HEPH: variants seen among roughly 807,000 people sequenced by gnomAD.
The protein encoded by HEPH is hephaestin.
HEPH carries 69 observed loss-of-function variants against 80.8 expected under a neutral mutation model. The ratio of observed to expected loss-of-function variants is 0.85; its 90% CI spans 0.70 to 1.04. HEPH has a LOEUF of 1.04. Ranked by LOEUF, HEPH falls within the 50% of genes least tolerant of loss-of-function variation. HEPH has a pLI of 0.00. For missense variants in HEPH, 1,115 were observed against 891.3 expected (o/e 1.25, Z -3.20); for synonymous variants, 431 against 322.8 (o/e 1.34, Z -3.60).
intron 17 of HEPH, among the ~76,000 whole-genome samples, chrX:66,257,037 C>A (rs1002971482): frequency 4.5e-5 from 5 of 112,208 alleles, no homozygotes; most frequent in East Asian, 2.8e-4. Context: ...CCCAAGATTT[C>A]TTTGATCTGA....
chrX:66,228,231 CTA>C (rs1250903387), intron 15 of HEPH, among the ~76,000 whole-genome samples: 1 of 112,204 alleles, frequency 8.9e-6, no homozygotes, highest in African/African-American at 3.2e-5. Context: ...TTATTTACTA[CTA>C]TGAGACAGTA....
At chrX:66,187,442 G>T (rs761253804) in intron 4 of HEPH, among the ~76,000 whole-genome samples, 1 of 111,234 alleles carries the variant, frequency 9.0e-6, no homozygotes, top group East Asian at 2.8e-4. Context: ...TGTCTCAAAG[G>T]GTGTTCCCCC....
chrX:66,248,840 T>A (rs2090908151), intron 15 of HEPH, among the ~76,000 whole-genome samples: 1 of 111,795 alleles, frequency 8.9e-6, no homozygotes, highest in Admixed American at 9.5e-5. Flanking sequence ...AGGTTTCCAC[T>A]GGTTTTGGAA....
chrX:66,177,775 T>C, intron 4 of HEPH, among the ~76,000 whole-genome samples: 1 of 111,645 alleles, frequency 9.0e-6, no homozygotes. Flanking sequence ...GTTTGGTTTG[T>C]TCTTGTTTCT....
chrX:66,261,773 T>C (rs1161578746), intron 19 of HEPH, among the ~76,000 whole-genome samples: 1 of 111,898 alleles, frequency 8.9e-6, no homozygotes, highest in Non-Finnish European at 1.9e-5. Context: ...ATTTAAAATA[T>C]TTATTCTCTA....
At position 66,197,750 on chromosome X, in the gene HEPH, T is replaced by A. The variant is rs1478397148; in HGVS notation, c.1569T>A (p.Pro523=). Residue 523 remains proline, a synonymous_variant, in exon 10 of 21, where the codon CCT becomes CCA. Transcript: ENST00000343002. ...TAACATACCGCTGGACAGTCCCCCC[T>A]CATGCCGGTCCCACTGCTCAGGATC... ...EKVTYRWTVP[P]HAGPTAQDPA... 1 of 1,209,998 alleles carries A rather than the reference T, an allele frequency of 8.3e-7. No homozygotes were observed. The highest frequency in any genetic ancestry group is 1.1e-6 in the Non-Finnish European group (1 of 895,065).
At chrX:66,260,816 G>A (rs909329654) in intron 19 of HEPH, among the ~76,000 whole-genome samples, 1 of 109,907 alleles carries the variant, frequency 9.1e-6, no homozygotes, top group Admixed American at 9.7e-5. Flanking sequence ...ACCCAGGCTG[G>A]AGTGCTGTGG....
chrX:66,194,980 G>GT (rs936388352), intron 8 of HEPH, 118 bp from the exon 9 acceptor site: 9 of 576,060 alleles, frequency 1.6e-5, no homozygotes, highest in Admixed American at 1.4e-4. Context: ...ACAAAGAAAA[G>GT]TTTTTTATTT....
chrX:66,259,745 G>A (rs966625412), intron 18 of HEPH, among the ~76,000 whole-genome samples: 4 of 103,410 alleles, frequency 3.9e-5, no homozygotes, highest in African/African-American at 1.4e-4. Context: ...GTCTCACTCT[G>A]TCATCCAGGC....
chrX:66,202,450 T>C (rs978590209), intron 12 of HEPH, among the ~76,000 whole-genome samples: 12 of 111,727 alleles, frequency 1.1e-4, no homozygotes, highest in African/African-American at 3.9e-4. Context: ...GAAATTTAGC[T>C]TCTTTTGATC....
chrX:66,202,601 A>G (rs1392423015), intron 12 of HEPH, among the ~76,000 whole-genome samples: 2 of 111,054 alleles, frequency 1.8e-5, no homozygotes, highest in African/African-American at 6.6e-5. Context: ...AAGCTGTCTT[A>G]GGTAAGCATC....
At chrX:66,191,619 G>T (rs2087794619) in intron 6 of HEPH, among the ~76,000 whole-genome samples, 1 of 112,045 alleles carries the variant, frequency 8.9e-6, no homozygotes, top group South Asian at 3.7e-4. Context: ...CAAGTCTGAA[G>T]CTTTATCTTC....
chrX:66,249,888 T>C (rs1263025366), intron 15 of HEPH, among the ~76,000 whole-genome samples: 1 of 111,381 alleles, frequency 9.0e-6, no homozygotes, highest in African/African-American at 3.3e-5. Context: ...AGGAAGTTAT[T>C]ATGGGGTGGG....
At chrX:66,164,093 C>G (rs768803994), upstream of HEPH, 1 of 356,198 alleles carries the variant, frequency 2.8e-6, no homozygotes, top group African/African-American at 2.8e-5. Context: ...GTTCTCCTCT[C>G]AGCAAAGACC....
chrX:66,207,394 A>G (rs2088851882), intron 14 of HEPH, 60 bp downstream of exon 14: 1 of 913,904 alleles, frequency 1.1e-6, no homozygotes. Context: ...TAGGGAAGCT[A>G]TGTTATACCA....
chrX:66,233,113 G>C (rs1283611476), intron 15 of HEPH, among the ~76,000 whole-genome samples: 4 of 111,818 alleles, frequency 3.6e-5, no homozygotes, highest in African/African-American at 1.3e-4. Context: ...TTACAAATAT[G>C]TCACACGTTA....
chrX:66,180,649 TA>T (rs1436222181), intron 4 of HEPH, among the ~76,000 whole-genome samples: 54 of 62,848 alleles, frequency 8.6e-4, no homozygotes, highest in African/African-American at 4.8e-3. Flanking sequence ...TTCACAGCTG[TA>T]TTTTTTTTTT....
At position 66,188,484 on chromosome X, in the gene HEPH, G is replaced by T; in HGVS notation, c.751G>T (p.Asp251Tyr). 5 of 1,210,991 alleles carry T rather than the reference G, an allele frequency of 4.1e-6. No individual in the cohort carries two copies. Among genetic ancestry groups the T allele is most frequent in the Non-Finnish European group, 5.6e-6 (5 of 895,073 alleles). ...TGAGAACATTGCCACTTACTGCTCA[G>T]ATCCTGCTTCAGTGGACAAAGAAGA... ...LNENIATYCS[D>Y]PASVDKEDET... is the part of the protein sequence containing the mutation. Residue 251 changes from aspartate to tyrosine, a missense_variant, in exon 5 of 21, where the codon GAT (aspartate) becomes TAT (tyrosine). Physicochemically the swap from Asp to Tyr is radical, Grantham distance 160. This residue lies in a region of HEPH where 391 missense variants were observed against 343.6 expected (regional missense o/e 1.14). Transcript: ENST00000343002.
At chrX:66,239,834 A>C (rs1181530963) in intron 15 of HEPH, among the ~76,000 whole-genome samples, 1 of 112,166 alleles carries the variant, frequency 8.9e-6, no homozygotes, top group Non-Finnish European at 1.9e-5. Context: ...TCAAGATAAA[A>C]ATTAAATCAC....
Sources: allele counts gnomAD v4.1 joint callset (sites outside exome capture counted in the v4.1 genomes callset), GRCh38; gene constraint gnomAD v4.1.1; regional missense constraint gnomAD v4.1.1; transcripts MANE v1.5; gene names NCBI Gene and HGNC (gene_info 2026-07-23, HGNC 2026-07-21).